The following PLSCR4 variants were observed in gnomAD, a reference collection of about 807,000 sequenced individuals.
PLSCR4 encodes phospholipid scramblase 4.
Under a neutral mutation model 36.3 loss-of-function variants are expected in PLSCR4, and 25 were observed. The ratio of observed to expected loss-of-function variants is 0.69; its 90% CI spans 0.50 to 0.96. The LOEUF (loss-of-function observed/expected upper bound fraction) is 0.96, where lower values mean the gene tolerates loss of function less well. PLSCR4 is among the 40% of genes least tolerant of loss of function. The pLI, the probability that PLSCR4 is intolerant of heterozygous loss-of-function variation, is 0.00. For missense variants in PLSCR4, 408 were observed against 414.7 expected, an observed-to-expected ratio of 0.98 and a Z score of 0.14; for synonymous variants, 122 against 132.9, an observed-to-expected ratio of 0.92 and a Z score of 0.56.
intron 1 of PLSCR4, among the ~76,000 whole-genome samples, chr3:146,231,332 G>GT (rs1188265504): frequency 1.3e-5 from 2 of 152,138 alleles, no homozygotes; most frequent in Non-Finnish European, 2.9e-5. Context: ...AGAAGTGTAT[G>GT]TATCTTTTTG....
chr3:146,212,239 C>T (rs1323100512), intron 3 of PLSCR4, among the ~76,000 whole-genome samples: 1 of 151,766 alleles, frequency 6.6e-6, no homozygotes, highest in African/African-American at 2.4e-5. Flanking sequence ...ATATTTTACT[C>T]CTTTTATTAA....
rs763748996 is a variant in PLSCR4 at position 146,220,904 on chromosome 3, T to C, written c.29A>G (p.Glu10Gly). The C allele has an allele frequency of 6.2e-6, 10 of 1,612,898 alleles. No individual in the cohort carries two copies. The South Asian group carries it at 1.1e-4, about 18-fold the overall frequency. The change falls in exon 3 of 9, where the codon GAA (glutamate) becomes GGA (glycine). Residue 10 changes from glutamate (E) to glycine (G), a missense_variant. Physicochemically the swap from Glu to Gly is moderately conservative, Grantham distance 98. Transcript: ENST00000354952. MSGVVPTAP[E>G]QPAGEMENQT... ...ATTTTCCATTTCACCTGCAGGCTGT[T>C]CAGGGGCTGTGGGTACCACACCTTC...
intron 1 of PLSCR4, among the ~76,000 whole-genome samples, chr3:146,247,832 G>A (rs2175545): frequency 0.78 from 117,913 of 152,050 alleles, 46,813 homozygotes; most frequent in Non-Finnish European, 0.86. Context: ...ATGTTTCCCA[G>A]GCTGCTCTCA....
rs111262950 is a variant in PLSCR4, at chr3:146,198,701, C to T, written c.624+1112G>A. ...GAATTACAGGTGTAAACCATCCTGC[C>T]CAGCTGTAATTTTGATTTGCTTTCC... On this transcript the variant is annotated intron_variant, in intron 6 of 8. Coordinates refer to ENST00000354952, the MANE Select transcript of PLSCR4 (RefSeq NM_020353.3). 8.0e-3 allele frequency among the ~76,000 whole-genome samples: 1,219 copies of T among 152,090 alleles called. 13 individuals are homozygous for T. Among genetic ancestry groups the T allele is most frequent in the Non-Finnish European group, 0.012 (799 of 67,998 alleles).
Position 146,237,050 on chromosome 3 carries a change from GA to G in PLSCR4, c.-22+13909del, listed in dbSNP as rs369834242. Reference sequence around the variant, plus strand: ...GGCAGAATGGATTAAAAAAAGAAAAGAAAAAAAAGAGAGAAAACATGATCCA... The same window carrying G: ...GGCAGAATGGATTAAAAAAAGAAAAGAAAAAAAGAGAGAAAACATGATCCA... On this transcript the variant is annotated intron_variant, in intron 1 of 8. Transcript: ENST00000354952. Among the ~76,000 whole-genome samples the G allele has an allele frequency of 4.5e-3, 679 of 150,648 alleles. 7 individuals are homozygous for G. The highest frequency in any genetic ancestry group is 0.015 in the African/African-American group (610 of 40,872).
At chr3:146,219,457 C>T (rs2035041252) in intron 3 of PLSCR4, among the ~76,000 whole-genome samples, 1 of 151,946 alleles carries the variant, frequency 6.6e-6, no homozygotes, top group Non-Finnish European at 1.5e-5. Flanking sequence ...TTTTTAATAC[C>T]TTGGATTTAG....
intron 4 of PLSCR4, among the ~76,000 whole-genome samples, chr3:146,205,388 T>C (rs1380833138): frequency 6.6e-6 from 1 of 152,058 alleles, no homozygotes; most frequent in Non-Finnish European, 1.5e-5. Context: ...AACCTTAGCA[T>C]AGGAATTTTT....
At chr3:146,231,335 T>G (rs897785101) in intron 1 of PLSCR4, among the ~76,000 whole-genome samples, 2 of 152,308 alleles carry the variant, frequency 1.3e-5, no homozygotes, top group East Asian at 3.9e-4. Context: ...AGTGTATGTA[T>G]CTTTTTGGTA....
At chr3:146,243,681 C>A (rs1353996383) in intron 1 of PLSCR4, among the ~76,000 whole-genome samples, 1 of 152,122 alleles carries the variant, frequency 6.6e-6, no homozygotes, top group Non-Finnish European at 1.5e-5. Flanking sequence ...AGCATTCATT[C>A]ATCACAGAAT....
rs924757388 is a variant in PLSCR4, at chr3:146,235,586, G to A, written c.-21-13494C>T. Among the ~76,000 whole-genome samples the A allele has an allele frequency of 1.4e-4, 22 of 152,122 alleles. 1 individual carries two copies. On this transcript the variant is annotated intron_variant, in intron 1 of 8. Transcript: ENST00000354952. ...GACTAATACAGAAAATGGGTACCGAGGAGTGGGGCACTGCTATAAAGATAC... is the reference window on the plus strand; with the variant it reads ...GACTAATACAGAAAATGGGTACCGAAGAGTGGGGCACTGCTATAAAGATAC...
intron 6 of PLSCR4, among the ~76,000 whole-genome samples, chr3:146,197,770 T>C (rs2033826524): frequency 6.6e-6 from 1 of 152,118 alleles, no homozygotes; most frequent in South Asian, 2.1e-4. Context: ...ACATGTACTT[T>C]CATAAGAATT....
chr3:146,214,743 T>G (rs914689713), intron 3 of PLSCR4, among the ~76,000 whole-genome samples: 1 of 152,166 alleles, frequency 6.6e-6, no homozygotes, highest in Non-Finnish European at 1.5e-5. Context: ...GAGTGTTCTA[T>G]TATGCTATTA....
chr3:146,193,645 CAA>C lies in PLSCR4; in HGVS notation c.*764_*765del, dbSNP rs2033538248. Reference sequence around the variant, plus strand: ...AAATGCAAGCTTCATATAATGACACCAATGTCTCTAAGTTGCTCAGAGATCTT... The same window carrying C: ...AAATGCAAGCTTCATATAATGACACCTGTCTCTAAGTTGCTCAGAGATCTT... On this transcript the variant is annotated 3_prime_UTR_variant, in exon 9 of 9. Coordinates refer to ENST00000354952, the MANE Select transcript of PLSCR4 (RefSeq NM_020353.3). The C allele has an allele frequency of 6.6e-6, 1 of 152,130 alleles. No homozygotes were observed. 9.4% of individuals were successfully genotyped at this position (152,130 alleles called of 1,614,324 possible). A position where few individuals can be genotyped will look rare whatever the true frequency, so the allele number is the denominator to read the frequency against.
intron 1 of PLSCR4, among the ~76,000 whole-genome samples, chr3:146,228,061 A>C (rs1177818890): frequency 6.6e-6 from 1 of 152,150 alleles, no homozygotes; most frequent in Non-Finnish European, 1.5e-5. Context: ...TGGCTGTGTA[A>C]TCCTGAATGA....
In PLSCR4 at chr3:146,205,058, C is replaced by T. The variant is rs540754918; in HGVS notation, c.354+1468G>A. Among the ~76,000 whole-genome samples the T allele has an allele frequency of 7.9e-5, 12 of 152,056 alleles. 1 individual carries two copies. Among genetic ancestry groups the T allele is most frequent in the African/African-American group, 2.6e-4 (11 of 41,522 alleles). On this transcript the variant is annotated intron_variant, in intron 4 of 8. Transcript: ENST00000354952. Reference sequence around the variant, plus strand: ...GATTATCAGGGTCCCTGTCAATATACAGAATTGAAAAGAGAAATGACAGAA... The same window carrying T: ...GATTATCAGGGTCCCTGTCAATATATAGAATTGAAAAGAGAAATGACAGAA...
chr3:146,200,077 T>G (rs1559899450), intron 5 of PLSCR4, 38 bp from the exon 6 acceptor site: 1 of 1,184,684 alleles, frequency 8.4e-7, no homozygotes. Context: ...TTAGAAACAT[T>G]TAAAATGGGC....
Position 146,196,680 on chromosome 3 carries a change from A to G in PLSCR4, c.738T>C (p.Val246=). The G allele has an allele frequency of 1.2e-6, 2 of 1,613,984 alleles. No individual in the cohort carries two copies. The highest frequency in any genetic ancestry group is 1.7e-6 in the Non-Finnish European group (2 of 1,179,906). ...AGCCATAGGTTGAGCATGGCCCACG[A>G]ACTCTCATCACATTTTCTTTCTTCT... ...QNEKKENVMR[V]RGPCSTYGCG... Residue 246 remains valine, a synonymous_variant, in exon 7 of 9, where the codon GTT becomes GTC. Coordinates refer to ENST00000354952, the MANE Select transcript of PLSCR4 (RefSeq NM_020353.3).
At chr3:146,213,704 T>C (rs1436400061) in intron 3 of PLSCR4, among the ~76,000 whole-genome samples, 1 of 152,216 alleles carries the variant, frequency 6.6e-6, no homozygotes, top group Non-Finnish European at 1.5e-5. Context: ...CTTTACTTGT[T>C]ATATAAGTCT....
At chr3:146,233,957 A>G (rs1292741798) in intron 1 of PLSCR4, among the ~76,000 whole-genome samples, 1 of 91,172 alleles carries the variant, frequency 1.1e-5, no homozygotes, top group African/African-American at 3.4e-5. Flanking sequence ...TCCACTCGGT[A>G]AGGGTTTTGA....
Sources: allele counts gnomAD v4.1 joint callset (sites outside exome capture counted in the v4.1 genomes callset), GRCh38; gene constraint gnomAD v4.1.1; transcripts MANE v1.5; gene names NCBI Gene and HGNC (gene_info 2026-07-23, HGNC 2026-07-21).